Variants in TNFAIP8 observed in about 807,000 individuals in gnomAD.
TNFAIP8 encodes TNF alpha induced protein 8.
TNFAIP8 carries 7 observed loss-of-function variants against 13.3 expected under a neutral mutation model. The observed-to-expected ratio is 0.52, with a 90% confidence interval of 0.30 to 0.99. TNFAIP8 has a LOEUF of 0.99. Among genes scored for constraint, TNFAIP8 ranks in the 50% least tolerant of loss-of-function variants. The pLI is 0.07. For synonymous variants in TNFAIP8, 94 were observed against 87.6 expected, an observed-to-expected ratio of 1.07 and a Z score of -0.41; for missense variants, 258 against 236.9, an observed-to-expected ratio of 1.09 and a Z score of -0.58.
chr5:119,372,152 C>T (rs1242056208), intron 1 of TNFAIP8, among the ~76,000 whole-genome samples: 1 of 150,554 alleles, frequency 6.6e-6, no homozygotes, highest in East Asian at 1.9e-4. Context: ...AAAAAAAAAC[C>T]CATCTCCACA....
intron 1 of TNFAIP8, among the ~76,000 whole-genome samples, chr5:119,365,686 C>G (rs1562021729): frequency 6.6e-6 from 1 of 152,120 alleles, no homozygotes; most frequent in Non-Finnish European, 1.5e-5. Flanking sequence ...ACTGAGTGTT[C>G]TTATTATTAA....
At chr5:119,345,793 T>C (rs886184829) in intron 1 of TNFAIP8, among the ~76,000 whole-genome samples, 1 of 152,210 alleles carries the variant, frequency 6.6e-6, no homozygotes, top group Admixed American at 6.5e-5. Flanking sequence ...GTGGTGATGA[T>C]TGTACAACAA....
At chr5:119,300,827 C>T (rs1391267592) in intron 1 of TNFAIP8, among the ~76,000 whole-genome samples, 3 of 152,044 alleles carry the variant, frequency 2.0e-5, no homozygotes, top group African/African-American at 7.2e-5. Flanking sequence ...TCAGTTTAAC[C>T]TATGTGTTAT....
chr5:119,313,565 C>T (rs1749796993), intron 1 of TNFAIP8, among the ~76,000 whole-genome samples: 1 of 152,150 alleles, frequency 6.6e-6, no homozygotes, highest in Non-Finnish European at 1.5e-5. Flanking sequence ...GGAAGATATG[C>T]ATTTGCTAAA....
intron 1 of TNFAIP8, among the ~76,000 whole-genome samples, chr5:119,325,504 G>T (rs1750196164): frequency 6.6e-6 from 1 of 152,182 alleles, no homozygotes. Context: ...CTGGAGTGTA[G>T]TGGTGCGATC....
At chr5:119,320,410 G>C (rs1366694751) in intron 1 of TNFAIP8, among the ~76,000 whole-genome samples, 1 of 152,056 alleles carries the variant, frequency 6.6e-6, no homozygotes, top group African/African-American at 2.4e-5. Flanking sequence ...ACAAGTTAAA[G>C]AAATTTCTCT....
intron 1 of TNFAIP8, among the ~76,000 whole-genome samples, chr5:119,350,037 A>C (rs551422166): frequency 6.6e-6 from 1 of 152,344 alleles, no homozygotes; most frequent in East Asian, 1.9e-4. Context: ...CATTTCTTTA[A>C]TTACATATCT....
chr5:119,290,689 G>A (rs1748955867), intron 1 of TNFAIP8, among the ~76,000 whole-genome samples: 1 of 152,184 alleles, frequency 6.6e-6, no homozygotes, highest in Non-Finnish European at 1.5e-5. Context: ...CTGGCTGTAT[G>A]AAGAGGCGAA....
chr5:119,390,632 T>A (rs559869038), intron 1 of TNFAIP8, among the ~76,000 whole-genome samples: 52 of 152,326 alleles, frequency 3.4e-4, no homozygotes, highest in African/African-American at 1.1e-3. Flanking sequence ...AGTTTAAATT[T>A]CGACATTTGT....
At chr5:119,332,755 G>C (rs1185532727) in intron 1 of TNFAIP8, among the ~76,000 whole-genome samples, 1 of 152,154 alleles carries the variant, frequency 6.6e-6, no homozygotes, top group African/African-American at 2.4e-5. Context: ...AAGATTTGTG[G>C]GTGGCAATGA....
At chr5:119,274,246 A>G (rs73247096) in intron 1 of TNFAIP8, among the ~76,000 whole-genome samples, 16,618 of 152,256 alleles carry the variant, frequency 0.11, 943 homozygotes, top group African/African-American at 0.15. Context: ...GCAACAGTGC[A>G]AGTTTCAGAA....
intron 1 of TNFAIP8, among the ~76,000 whole-genome samples, chr5:119,308,017 T>C (rs1749616843): frequency 6.6e-6 from 1 of 152,136 alleles, no homozygotes; most frequent in Non-Finnish European, 1.5e-5. Context: ...CCTTGAAAAA[T>C]ACTAATATCA....
chr5:119,297,488 T>C (rs932758891), intron 1 of TNFAIP8, among the ~76,000 whole-genome samples: 8 of 152,350 alleles, frequency 5.3e-5, no homozygotes, highest in Non-Finnish European at 7.3e-5. Context: ...TTATAATTTC[T>C]GTTCTTTTAC....
chr5:119,299,455 C>T lies in TNFAIP8; in HGVS notation c.1+30548C>T, dbSNP rs956475707. On this transcript the variant is annotated intron_variant, in intron 1 of 1. Transcript: ENST00000274456. ...TGAACCGCGAATGCTGCTGTCTGAT[C>T]GTTCCTCTGGAAGTTTTGTCTCAGA... Among the ~76,000 whole-genome samples, 96 of 152,248 alleles carry T rather than the reference C, an allele frequency of 6.3e-4. 1 individual carries two copies. The Middle Eastern group carries it at 0.017, about 27-fold the overall frequency.
At chr5:119,329,467 C>G (rs4466196) in intron 1 of TNFAIP8, among the ~76,000 whole-genome samples, 4 of 152,306 alleles carry the variant, frequency 2.6e-5, no homozygotes, top group African/African-American at 9.6e-5. Context: ...ACTCACTACT[C>G]TACCTGGCCT....
At chr5:119,365,735 T>C (rs187334885) in intron 1 of TNFAIP8, among the ~76,000 whole-genome samples, 2 of 152,350 alleles carry the variant, frequency 1.3e-5, no homozygotes, top group Admixed American at 6.5e-5. Context: ...AGGATTAATA[T>C]GAGAATTGCA....
At chr5:119,389,374 G>A (rs1752806210) in intron 1 of TNFAIP8, among the ~76,000 whole-genome samples, 1 of 151,430 alleles carries the variant, frequency 6.6e-6, no homozygotes. Context: ...TGGCACATGG[G>A]TGGTATCTGA....
At chr5:119,285,053 A>C (rs1748737132) in intron 1 of TNFAIP8, among the ~76,000 whole-genome samples, 1 of 152,150 alleles carries the variant, frequency 6.6e-6, no homozygotes, top group Non-Finnish European at 1.5e-5. Context: ...ACCCAGAGGA[A>C]TATCATAGAG....
upstream of TNFAIP8, among the ~76,000 whole-genome samples, chr5:119,353,270 G>A (rs1341475925): frequency 6.6e-6 from 1 of 152,206 alleles, no homozygotes; most frequent in Non-Finnish European, 1.5e-5. Context: ...GGGCTAAGAA[G>A]TAAATTATCC....
Sources: gnomAD v4.1 joint callset for allele counts (sites outside exome capture counted in the v4.1 genomes callset) on GRCh38, gnomAD v4.1.1 for gene constraint, MANE v1.5 for transcripts, NCBI Gene and HGNC (gene_info 2026-07-23, HGNC 2026-07-21) for gene names.